COL13A1: variants seen among roughly 807,000 people sequenced by gnomAD.
COL13A1 encodes collagen type XIII alpha 1 chain, also known as collagen alpha-1(XIII) chain.
Under a neutral mutation model 130.9 loss-of-function variants are expected in COL13A1, and 89 were observed. The ratio of observed to expected loss-of-function variants is 0.68; its 90% CI spans 0.57 to 0.81. The LOEUF is 0.81. Ranked by LOEUF, COL13A1 falls within the 30% of genes least tolerant of loss-of-function variation. The pLI is 0.00. For synonymous variants in COL13A1, 402 were observed against 341.6 expected (o/e 1.18, Z -1.95); for missense variants, 879 against 934.6 (o/e 0.94, Z 0.78).
chr10:69,887,039 A>G (rs1031305645), intron 7 of COL13A1, among the ~76,000 whole-genome samples: 1 of 152,210 alleles, frequency 6.6e-6, no homozygotes, highest in Non-Finnish European at 1.5e-5. Flanking sequence ...CCATCCTTAG[A>G]TAAGTGGCCA....
At chr10:69,881,275 G>A (rs1022125156) in intron 7 of COL13A1, among the ~76,000 whole-genome samples, 3 of 152,212 alleles carry the variant, frequency 2.0e-5, no homozygotes, top group Non-Finnish European at 4.4e-5. Flanking sequence ...CCTCTCAGAA[G>A]GGGAAACTGA....
Position 69,895,593 on chromosome 10 carries a change from A to C in COL13A1, c.684+17A>C, listed in dbSNP as rs374672087. On this transcript the variant is annotated intron_variant, in intron 13 of 40. Transcript: ENST00000645393. ...CCACACCGGGTAAGTGAACCCCTAA[A>C]ATTTAGCAGGGCACTTTGATCCATC... 5.6e-5 allele frequency: 90 copies of C among 1,613,576 alleles called. No homozygotes were observed. In the African/African-American group the frequency reaches 1.1e-3, roughly 20 times the overall value.
At chr10:69,898,809 C>A in intron 14 of COL13A1, 47 bp downstream of exon 14, 2 of 1,488,902 alleles carry the variant, frequency 1.3e-6, no homozygotes, top group Non-Finnish European at 1.8e-6. Flanking sequence ...TCCCAAGGGG[C>A]CCGGCAAGCC....
At chr10:69,902,403 C>A (rs1589407076) in intron 14 of COL13A1, among the ~76,000 whole-genome samples, 1 of 152,210 alleles carries the variant, frequency 6.6e-6, no homozygotes, top group East Asian at 1.9e-4. Flanking sequence ...AAGATTCAGG[C>A]CATCTGGCCA....
At chr10:69,865,669 G>A (rs920287532) in intron 2 of COL13A1, among the ~76,000 whole-genome samples, 1 of 152,218 alleles carries the variant, frequency 6.6e-6, no homozygotes, top group African/African-American at 2.4e-5. Flanking sequence ...TGGCAGCCTG[G>A]CTGAGCTTGG....
chr10:69,849,588 G>A, intron 2 of COL13A1, among the ~76,000 whole-genome samples: 1 of 152,134 alleles, frequency 6.6e-6, no homozygotes, highest in Admixed American at 6.5e-5. Flanking sequence ...TCAATTCTGT[G>A]GGACTCCCTG....
rs1180121155 is a variant in COL13A1, at chr10:69,927,558, A to C, written c.1422+448A>C. 2.0e-5 allele frequency among the ~76,000 whole-genome samples: 3 copies of C among 152,214 alleles called. No individual in the cohort carries two copies. The East Asian group carries it at 5.8e-4, about 29-fold the overall frequency. On this transcript the variant is annotated intron_variant, in intron 27 of 40. Transcript: ENST00000645393. ...CAGTTTCATTATCTGCACTTGGAAA[A>C]CCAGGGAATTTCAAGTCTGGGTTTT...
intron 2 of COL13A1, among the ~76,000 whole-genome samples, chr10:69,838,048 G>T (rs1016864387): frequency 7.2e-5 from 11 of 152,346 alleles, no homozygotes; most frequent in African/African-American, 2.6e-4. Context: ...CCAGGGCCCT[G>T]TGGGTTGGTC....
At chr10:69,889,389 G>A in intron 9 of COL13A1, 25 bp from the exon 10 acceptor site, 4 of 1,607,498 alleles carry the variant, frequency 2.5e-6, no homozygotes, top group Non-Finnish European at 2.5e-6. Flanking sequence ...CAGTGCACCT[G>A]GTACTCACCC....
intron 6 of COL13A1, 25 bp from the exon 7 acceptor site, chr10:69,880,478 T>TATCCCCCTTCCTCTCTCCCC (rs1411485854): frequency 1.4e-6 from 2 of 1,433,612 alleles, no homozygotes; most frequent in African/African-American, 2.8e-5. Context: ...CCTCGCTCCC[T>TATCCCCCTTCCTCTCTCCCC]CTCCCCCTTC....
intron 10 of COL13A1, among the ~76,000 whole-genome samples, chr10:69,891,081 G>T (rs2763366): frequency 0.44 from 67,622 of 152,052 alleles, 16,236 homozygotes; most frequent in Non-Finnish European, 0.55. Flanking sequence ...GCTGGGCACT[G>T]CTTCAGGTGC....
At chr10:69,840,290 G>C (rs1851245643) in intron 2 of COL13A1, among the ~76,000 whole-genome samples, 2 of 152,198 alleles carry the variant, frequency 1.3e-5, no homozygotes, top group Admixed American at 6.5e-5. Flanking sequence ...TGGAGGGACA[G>C]ACAGCGGCAT....
At chr10:69,817,059 T>C (rs1324570918) in intron 1 of COL13A1, among the ~76,000 whole-genome samples, 2 of 152,218 alleles carry the variant, frequency 1.3e-5, no homozygotes, top group African/African-American at 4.8e-5. Flanking sequence ...TAAATATATA[T>C]TTTTTATGGG....
intron 2 of COL13A1, chr10:69,823,980 T>C (rs1023014997): frequency 2.9e-5 from 12 of 417,534 alleles, no homozygotes; most frequent in Non-Finnish European, 5.5e-5. Context: ...GTTGCCCTTA[T>C]AACTCTTGGG....
chr10:69,924,974 A>G lies in COL13A1; in HGVS notation c.1296A>G (p.Gly432=), dbSNP rs1399690736. ...TTGTCATGCAACAGGGGGAGCGTGGAGCAGCTGGAGAACAGGGACCAGATG... is the reference window on the plus strand; with the variant it reads ...TTGTCATGCAACAGGGGGAGCGTGGGGCAGCTGGAGAACAGGGACCAGATG... ...PGQPGDKGER[G]AAGEQGPDGP... is the part of the protein sequence containing the mutation. The change falls in exon 25 of 41, where the codon GGA becomes GGG. Residue 432 remains glycine, a synonymous_variant. Transcript: ENST00000645393. 3.1e-6 allele frequency: 5 copies of G among 1,593,856 alleles called. No individual in the cohort carries two copies. The African/African-American group carries it at 6.7e-5, about 21-fold the overall frequency.
intron 2 of COL13A1, among the ~76,000 whole-genome samples, chr10:69,840,056 A>G (rs1281683889): frequency 2.0e-5 from 3 of 152,174 alleles, no homozygotes; most frequent in Non-Finnish European, 4.4e-5. Context: ...GACAGAGGAA[A>G]TGGGGAGAGT....
intron 37 of COL13A1, among the ~76,000 whole-genome samples, chr10:69,946,186 A>G (rs1311046664): frequency 6.6e-6 from 1 of 152,006 alleles, no homozygotes; most frequent in East Asian, 1.9e-4. Context: ...CCAAGAGGCA[A>G]CTGGTGATAG....
Position 69,932,581 on chromosome 10 carries a change from G to T in COL13A1, c.1705G>T (p.Glu569Ter). 2 of 1,611,542 alleles carry T rather than the reference G, an allele frequency of 1.2e-6. No homozygotes were observed. Among genetic ancestry groups the T allele is most frequent in the Non-Finnish European group, 1.7e-6 (2 of 1,177,832 alleles). The change falls in exon 31 of 41, where the codon GAG (glutamate) becomes TAG (stop). Residue 569 changes from glutamate (E) to a stop codon, truncating the protein, a stop_gained. Transcript: ENST00000645393. LOFTEE classifies it high-confidence loss of function. ...ACAGGGAGAGAAAGGAGAAGCCGGG[G>T]AGAAGGGCAATCCAGGAGCAGAGGT... ...GSPGEKGEAG[E>*]KGNPGAEVPG... is the part of the protein sequence containing the mutation.
chr10:69,917,572 A>T (rs1162362760), intron 18 of COL13A1, among the ~76,000 whole-genome samples: 1 of 152,144 alleles, frequency 6.6e-6, no homozygotes, highest in Non-Finnish European at 1.5e-5. Context: ...GCTCCACTGC[A>T]GTCCTAAGAC....
Sources: gnomAD v4.1 joint callset for allele counts (sites outside exome capture counted in the v4.1 genomes callset) on GRCh38, gnomAD v4.1.1 for gene constraint, MANE v1.5 for transcripts, NCBI Gene and HGNC (gene_info 2026-07-23, HGNC 2026-07-21) for gene names.